Variants in DCAF1 observed in about 807,000 individuals in gnomAD.
DCAF1 encodes DDB1- and CUL4-associated factor 1.
Under a neutral mutation model 128.0 loss-of-function variants are expected in DCAF1, and 15 were observed. The observed-to-expected ratio is 0.12, with a 90% CI of 0.08 to 0.18. The LOEUF (loss-of-function observed/expected upper bound fraction) is 0.18. DCAF1 is among the 10% of genes least tolerant of loss of function. The pLI is 1.00. For synonymous variants in DCAF1, 610 were observed against 603.0 expected (o/e 1.01, Z -0.17); for missense variants, 988 against 1,649.5 (o/e 0.60, Z 6.95).
At chr3:51,403,120 C>A in intron 24 of DCAF1, 23 bp downstream of exon 24, 2 of 1,589,692 alleles carry the variant, frequency 1.3e-6, no homozygotes, top group Non-Finnish European at 1.7e-6. Flanking sequence ...CAAGGCTCAG[C>A]CTGAACTCTG....
At chr3:51,397,539 A>G (rs1257769073), downstream of DCAF1, 12 of 167,160 alleles carry the variant, frequency 7.2e-5, no homozygotes, top group Non-Finnish European at 1.2e-4. Context: ...CAGTTCTACC[A>G]AATCTGTACT....
At chr3:51,489,421 T>C (rs1707358359) in intron 2 of DCAF1, among the ~76,000 whole-genome samples, 1 of 150,606 alleles carries the variant, frequency 6.6e-6, no homozygotes, top group African/African-American at 2.4e-5. Flanking sequence ...GGCAACAGAG[T>C]GAGACTCTGT....
At chr3:51,464,736 T>C (rs1161225095) in intron 5 of DCAF1, among the ~76,000 whole-genome samples, 3 of 148,580 alleles carry the variant, frequency 2.0e-5, no homozygotes, top group African/African-American at 7.4e-5. Flanking sequence ...AAACAAGTAA[T>C]ACCATGAGTA....
chr3:51,401,488 C>T (rs782526912), intron 24 of DCAF1, among the ~76,000 whole-genome samples: 1 of 152,184 alleles, frequency 6.6e-6, no homozygotes, highest in South Asian at 2.1e-4. Context: ...TTCTGAAGTC[C>T]ACTCTGAGAC....
intron 4 of DCAF1, among the ~76,000 whole-genome samples, chr3:51,467,225 G>A (rs911120990): frequency 2.6e-5 from 4 of 151,966 alleles, no homozygotes; most frequent in Admixed American, 6.6e-5. Context: ...CCATCTACTC[G>A]GGAGGCTGAG....
At chr3:51,466,996 T>C (rs1376491278) in intron 4 of DCAF1, 120 bp from the exon 5 acceptor site, 2 of 747,938 alleles carry the variant, frequency 2.7e-6, no homozygotes, top group African/African-American at 1.8e-5. Context: ...CCAGCAAAAA[T>C]AATCAGAAAC....
At chr3:51,442,535 T>C (rs1456468161) in intron 7 of DCAF1, among the ~76,000 whole-genome samples, 2 of 152,016 alleles carry the variant, frequency 1.3e-5, no homozygotes, top group East Asian at 3.9e-4. Flanking sequence ...CCGTCTCTAC[T>C]AAAAATACAA....
chr3:51,411,931 T>C (rs1157310762), intron 23 of DCAF1, among the ~76,000 whole-genome samples: 1 of 151,564 alleles, frequency 6.6e-6, no homozygotes, highest in Non-Finnish European at 1.5e-5. Context: ...GCCAACACGG[T>C]GAAACCCCGT....
intron 6 of DCAF1, among the ~76,000 whole-genome samples, chr3:51,460,450 AG>A (rs1352847369): frequency 7.2e-5 from 11 of 152,342 alleles, no homozygotes; most frequent in Admixed American, 3.9e-4. Flanking sequence ...GTTCATGGGT[AG>A]GAAGAATCAG....
chr3:51,446,782 G>A (rs1553640296), intron 6 of DCAF1, among the ~76,000 whole-genome samples: 1 of 151,684 alleles, frequency 6.6e-6, no homozygotes, highest in African/African-American at 2.4e-5. Flanking sequence ...TCAACATGGT[G>A]AAACCCCCAT....
intron 6 of DCAF1, among the ~76,000 whole-genome samples, chr3:51,447,424 T>C (rs1176534575): frequency 1.3e-5 from 2 of 151,482 alleles, no homozygotes; most frequent in Non-Finnish European, 2.9e-5. Flanking sequence ...AATAAATAAA[T>C]AAATAAATAA....
At chr3:51,489,236 C>A (rs1478609889) in intron 2 of DCAF1, among the ~76,000 whole-genome samples, 1 of 151,980 alleles carries the variant, frequency 6.6e-6, no homozygotes, top group African/African-American at 2.4e-5. Context: ...GAGTTTGAGA[C>A]CAGCCTGGCC....
intron 23 of DCAF1, among the ~76,000 whole-genome samples, chr3:51,412,109 TAAAAAAAAAAAAAAAA>T (rs782087400): frequency 1.4e-4 from 4 of 29,460 alleles, no homozygotes; most frequent in East Asian, 9.1e-4. Context: ...AACTCCATTC[TAAAAAAAAAAAAAAAA>T]AAAAAAAAAA....
intron 6 of DCAF1, among the ~76,000 whole-genome samples, chr3:51,460,090 T>C (rs868927735): frequency 2.6e-5 from 4 of 152,124 alleles, no homozygotes; most frequent in Admixed American, 1.3e-4. Flanking sequence ...TAAAGGGTAT[T>C]CAATTAGGAA....
chr3:51,428,376 G>A (rs1700088769), intron 12 of DCAF1, among the ~76,000 whole-genome samples: 1 of 141,722 alleles, frequency 7.1e-6, no homozygotes, highest in African/African-American at 2.6e-5. Flanking sequence ...CCAGACTGGA[G>A]TGCAGTGATA....
chr3:51,451,532 G>A (rs1352334078), intron 6 of DCAF1, among the ~76,000 whole-genome samples: 1 of 151,978 alleles, frequency 6.6e-6, no homozygotes, highest in Admixed American at 6.6e-5. Flanking sequence ...AGGCCAAGAC[G>A]GGTGGATCAC....
intron 6 of DCAF1, among the ~76,000 whole-genome samples, chr3:51,461,912 T>TG (rs1221579281): frequency 2.0e-5 from 3 of 151,720 alleles, no homozygotes; most frequent in African/African-American, 7.3e-5. Flanking sequence ...GGGACTGTTG[T>TG]GGGGTGGGGG....
downstream of DCAF1, chr3:51,397,076 G>A (rs563203695): frequency 5.7e-4 from 96 of 167,056 alleles, no homozygotes; most frequent in Non-Finnish European, 9.1e-4. Flanking sequence ...AGTTTTAGCC[G>A]TCTTGTGTTT....
intron 13 of DCAF1, among the ~76,000 whole-genome samples, chr3:51,423,504 C>CAA (rs1328087664): frequency 2.7e-5 from 3 of 111,374 alleles, no homozygotes; most frequent in Non-Finnish European, 3.8e-5. Flanking sequence ...TCTGTCTCCA[C>CAA]AAAAAAAAAA....
Sources: allele counts gnomAD v4.1 joint callset (sites outside exome capture counted in the v4.1 genomes callset), GRCh38; gene constraint gnomAD v4.1.1; transcripts MANE v1.5; gene names NCBI Gene and HGNC (gene_info 2026-07-23, HGNC 2026-07-21).